Variants in ENPP6 observed in about 807,000 individuals in gnomAD.
ENPP6 encodes ectonucleotide pyrophosphatase/phosphodiesterase 6.
Under a neutral mutation model 42.0 loss-of-function variants are expected in ENPP6, and 32 were observed. The ratio of observed to expected loss-of-function variants is 0.76; its 90% CI spans 0.58 to 1.02. The LOEUF is 1.02. ENPP6 is among the 50% of genes least tolerant of loss of function. ENPP6 has a pLI of 0.00. For missense variants in ENPP6, 552 were observed against 566.8 expected, an observed-to-expected ratio of 0.97 and a Z score of 0.27; for synonymous variants, 213 against 216.0, an observed-to-expected ratio of 0.99 and a Z score of 0.12.
chr4:184,118,684 T>C (rs1736366099), intron 3 of ENPP6, among the ~76,000 whole-genome samples: 1 of 152,240 alleles, frequency 6.6e-6, no homozygotes, highest in South Asian at 2.1e-4. Flanking sequence ...GTCTGGAGTT[T>C]AGCTGACACA....
chr4:184,191,995 G>A (rs1732718044), intron 1 of ENPP6, among the ~76,000 whole-genome samples: 1 of 152,148 alleles, frequency 6.6e-6, no homozygotes. Context: ...CCAAATACAT[G>A]GAAAGACAGC....
intron 1 of ENPP6, among the ~76,000 whole-genome samples, chr4:184,202,904 C>T (rs1479749186): frequency 6.6e-6 from 1 of 152,220 alleles, no homozygotes; most frequent in Non-Finnish European, 1.5e-5. Flanking sequence ...TCTGTTCTCA[C>T]AGCAAGCCTA....
At chr4:184,192,416 A>G (rs562676712) in intron 1 of ENPP6, among the ~76,000 whole-genome samples, 1 of 152,370 alleles carries the variant, frequency 6.6e-6, no homozygotes, top group East Asian at 1.9e-4. Context: ...TGCGGGGACA[A>G]CTACCTCACA....
At chr4:184,124,045 C>A in intron 3 of ENPP6, 116 bp downstream of exon 3, 1 of 774,146 alleles carries the variant, frequency 1.3e-6, no homozygotes. Flanking sequence ...GCAAGACTCT[C>A]ACCAACTCTC....
intron 6 of ENPP6, among the ~76,000 whole-genome samples, chr4:184,101,292 ATGTGTGTGAGCTTGTGTGTGTGTGTG>A (rs1735999038): frequency 7.2e-6 from 1 of 138,766 alleles, no homozygotes; most frequent in Admixed American, 7.4e-5. Flanking sequence ...GTTAATGTTT[ATGTGTGTGAGCTTGTGTGTGTGTGTG>A]TGTGTGTGTG....
chr4:184,217,548 C>A, intron 1 of ENPP6, 31 bp downstream of exon 1: 6 of 1,610,348 alleles, frequency 3.7e-6, no homozygotes, highest in East Asian at 2.2e-5. Flanking sequence ...CAGCCCTCCC[C>A]TCCCTGCCCA....
intron 1 of ENPP6, among the ~76,000 whole-genome samples, chr4:184,181,869 T>A (rs1375201829): frequency 3.9e-5 from 6 of 152,144 alleles, no homozygotes; most frequent in Admixed American, 3.9e-4. Context: ...TCAAGATGGA[T>A]TAAAGACTTA....
chr4:184,112,928 T>C (rs1262215459), intron 5 of ENPP6, 119 bp from the exon 6 acceptor site: 5 of 1,175,896 alleles, frequency 4.3e-6, no homozygotes, highest in Non-Finnish European at 5.8e-6. Flanking sequence ...TGCCAAATAC[T>C]TGATAGATTT....
At chr4:184,102,535 C>T (rs80020935) in intron 6 of ENPP6, among the ~76,000 whole-genome samples, 7,212 of 152,314 alleles carry the variant, frequency 0.047, 498 homozygotes, top group African/African-American at 0.15. Flanking sequence ...GGGAGAATAA[C>T]GGAGGAGGCT....
chr4:184,137,988 G>C (rs1265382362), intron 2 of ENPP6, among the ~76,000 whole-genome samples: 1 of 152,130 alleles, frequency 6.6e-6, no homozygotes. Flanking sequence ...GAGATGCATT[G>C]TTTCAAAACA....
intron 7 of ENPP6, among the ~76,000 whole-genome samples, chr4:184,095,305 G>C (rs971054423): frequency 6.6e-6 from 1 of 152,150 alleles, no homozygotes; most frequent in African/African-American, 2.4e-5. Flanking sequence ...AGCTAATGCA[G>C]CTTTGGGGAC....
At chr4:184,127,515 G>T (rs981623477) in intron 2 of ENPP6, among the ~76,000 whole-genome samples, 2 of 152,270 alleles carry the variant, frequency 1.3e-5, no homozygotes, top group African/African-American at 4.8e-5. Flanking sequence ...GCAGAGGTGG[G>T]TCAGGCTGAA....
intron 1 of ENPP6, among the ~76,000 whole-genome samples, chr4:184,175,451 T>C (rs1476704295): frequency 6.6e-6 from 1 of 152,132 alleles, no homozygotes; most frequent in Non-Finnish European, 1.5e-5. Flanking sequence ...CCTTCCCTGC[T>C]CTCTTCTCTT....
In ENPP6 at chr4:184,136,452, C is replaced by G. The variant is rs988937122; in HGVS notation, c.422-12180G>C. On this transcript the variant is annotated intron_variant, in intron 2 of 7. Transcript: ENST00000296741. Reference sequence around the variant, plus strand: ...TATTACTCTTCATTTCCTCCTCCATCTCTGTGCTTCCATCTGTGATCATTT... The same window carrying G: ...TATTACTCTTCATTTCCTCCTCCATGTCTGTGCTTCCATCTGTGATCATTT... 5.3e-5 allele frequency among the ~76,000 whole-genome samples: 8 copies of G among 152,116 alleles called. 1 individual carries two copies. Among genetic ancestry groups the G allele is most frequent in the Non-Finnish European group, 8.8e-5 (6 of 68,016 alleles).
At chr4:184,154,073 G>A (rs1737113085) in intron 1 of ENPP6, among the ~76,000 whole-genome samples, 1 of 152,062 alleles carries the variant, frequency 6.6e-6, no homozygotes, top group South Asian at 2.1e-4. Context: ...CTGAGACTTG[G>A]TCTCAGATTC....
chr4:184,116,975 T>C lies in ENPP6; in HGVS notation c.736A>G (p.Ile246Val), dbSNP rs1736325495. Residue 246 changes from isoleucine (I) to valine (V), a missense_variant, in exon 5 of 8, where the codon ATT (isoleucine) becomes GTT (valine). By Grantham distance (29) the Ile-to-Val change is conservative. This residue lies in a region of ENPP6 where 545 missense variants were observed against 546.3 expected (regional missense o/e 1.00). Coordinates refer to ENST00000296741, the MANE Select transcript of ENPP6 (RefSeq NM_153343.4). ...IIFSDHGMTD[I>V]FWMDKVIELN... Reference sequence around the variant, plus strand: ...TCAATCACTTTGTCCATCCAGAAAATGTCGGTCATTCCGTGATCCGAGAAA... The same window carrying C: ...TCAATCACTTTGTCCATCCAGAAAACGTCGGTCATTCCGTGATCCGAGAAA... 1.2e-6 allele frequency: 2 copies of C among 1,614,064 alleles called. No individual in the cohort carries two copies. Among genetic ancestry groups the C allele is most frequent in the African/African-American group, 2.7e-5 (2 of 74,916 alleles).
chr4:184,112,046 C>T lies in ENPP6; in HGVS notation c.993+626G>A, dbSNP rs549528927. ...TTCCTAAAATAACCCATGCTGTCTT[C>T]AGGAATGAACTGTAAACATGACACG... is the stretch of plus-strand genomic sequence containing the variant. On this transcript the variant is annotated intron_variant, in intron 6 of 7. Coordinates refer to ENST00000296741, the MANE Select transcript of ENPP6 (RefSeq NM_153343.4). Among the ~76,000 whole-genome samples, 10 of 152,318 alleles carry T rather than the reference C, an allele frequency of 6.6e-5. No individual in the cohort carries two copies. The South Asian group carries it at 1.7e-3, about 25-fold the overall frequency.
At position 184,217,835 on chromosome 4, in the gene ENPP6, C is replaced by T; in HGVS notation, c.-16G>A. 6.2e-7 allele frequency: 1 copy of T among 1,611,090 alleles called. No homozygotes were observed. The highest frequency in any genetic ancestry group is 8.5e-7 in the Non-Finnish European group (1 of 1,178,872). ...TCACTGCCATGCTGCCAGGAGCCTG[C>T]CAGAGCCCGGCTGGCACAGCTGTCG... On this transcript the variant is annotated 5_prime_UTR_variant, in exon 1 of 8. Transcript: ENST00000296741.
At chr4:184,160,571 G>A (rs1406528883) in intron 1 of ENPP6, among the ~76,000 whole-genome samples, 2 of 152,212 alleles carry the variant, frequency 1.3e-5, no homozygotes, top group Non-Finnish European at 2.9e-5. Flanking sequence ...CAGAGAGTGT[G>A]TGTGCATGCA....
Sources: gnomAD v4.1 joint callset for allele counts (sites outside exome capture counted in the v4.1 genomes callset) on GRCh38, gnomAD v4.1.1 for gene constraint, gnomAD v4.1.1 regional missense constraint, MANE v1.5 for transcripts, NCBI Gene and HGNC (gene_info 2026-07-23, HGNC 2026-07-21) for gene names.